CYP2J2: variants seen among roughly 807,000 people sequenced by gnomAD.
CYP2J2 encodes cytochrome P450 family 2 subfamily J member 2, also known as cytochrome P450 2J2.
In CYP2J2, 41 loss-of-function variants were observed where a neutral mutation model predicts 48.8. The ratio of observed to expected loss-of-function variants is 0.84; its 90% CI spans 0.66 to 1.09. CYP2J2 has a LOEUF of 1.09. Among genes scored for constraint, CYP2J2 ranks in the 50% least tolerant of loss-of-function variants. The pLI is 0.00. For missense variants in CYP2J2, 644 were observed against 617.3 expected (o/e 1.04, Z -0.46); for synonymous variants, 221 against 227.1 (o/e 0.97, Z 0.24).
chr1:59,924,366 A>G lies in CYP2J2; in HGVS notation c.210+2171T>C, dbSNP rs528044363. ...TGTAACATCAGAAATGAAAAAAGATAAATGAAAAGGGTAAATAAATGAGTA... is the reference window on the plus strand; with the variant it reads ...TGTAACATCAGAAATGAAAAAAGATGAATGAAAAGGGTAAATAAATGAGTA... On this transcript the variant is annotated intron_variant, in intron 1 of 8. Transcript: ENST00000371204. Among the ~76,000 whole-genome samples the G allele has an allele frequency of 1.2e-3, 185 of 152,334 alleles. 1 individual carries two copies. The highest frequency in any genetic ancestry group is 2.1e-3 in the Non-Finnish European group (142 of 68,000).
intron 1 of CYP2J2, among the ~76,000 whole-genome samples, chr1:59,926,026 C>G (rs1274816087): frequency 6.6e-6 from 1 of 152,056 alleles, no homozygotes; most frequent in Non-Finnish European, 1.5e-5. Flanking sequence ...AGTCTGAACA[C>G]CGTTTGGCAA....
At chr1:59,938,754 C>T in the CYP2J2 span, among the ~76,000 whole-genome samples, 2 of 152,162 alleles carry the variant, frequency 1.3e-5, no homozygotes, top group Non-Finnish European at 2.9e-5. Context: ...GGCTGGGGGA[C>T]GGTCAGGTCT....
the CYP2J2 span, among the ~76,000 whole-genome samples, chr1:59,953,460 A>G: frequency 1.3e-5 from 2 of 152,040 alleles, no homozygotes; most frequent in South Asian, 2.1e-4. Context: ...GATAATTGGT[A>G]TGAAGGCAGT....
the CYP2J2 span, among the ~76,000 whole-genome samples, chr1:59,935,015 C>CAT: frequency 0.028 from 1,326 of 47,388 alleles, 23 homozygotes; most frequent in Middle Eastern, 0.039. Context: ...TATATATATA[C>CAT]ATATATATAT....
upstream of CYP2J2, among the ~76,000 whole-genome samples, chr1:59,930,233 A>T (rs979738962): frequency 6.6e-5 from 10 of 152,168 alleles, no homozygotes; most frequent in Admixed American, 1.3e-4. Flanking sequence ...AATATCTCTG[A>T]GATTCTGCTT....
chr1:59,930,316 A>G (rs1644597020), upstream of CYP2J2, among the ~76,000 whole-genome samples: 1 of 152,136 alleles, frequency 6.6e-6, no homozygotes, highest in Non-Finnish European at 1.5e-5. Flanking sequence ...TAATATTTGT[A>G]GGAACTACCA....
chr1:59,893,534 C>T lies in CYP2J2; in HGVS notation c.*117G>A. 5 of 750,784 alleles carry T rather than the reference C, an allele frequency of 6.7e-6. No homozygotes were observed. The allele number at this position is 750,784 out of a possible 1,614,324, so 46.5% of individuals were successfully genotyped here. On this transcript the variant is annotated 3_prime_UTR_variant, in exon 9 of 9. Coordinates refer to ENST00000371204, the MANE Select transcript of CYP2J2 (RefSeq NM_000775.4). The stretch of plus-strand genomic sequence containing the variant: ...CTAGTTTTCTCTGAGTCAAATTCCT[C>T]TGATCTTTCTTGAAAGTCACTTTCA...
the CYP2J2 span, among the ~76,000 whole-genome samples, chr1:59,959,085 C>T: frequency 6.6e-6 from 1 of 152,176 alleles, no homozygotes; most frequent in Non-Finnish European, 1.5e-5. Context: ...ATCCCGCTCA[C>T]CTTCTCAAAG....
the CYP2J2 span, among the ~76,000 whole-genome samples, chr1:59,948,122 C>T: frequency 1.1e-4 from 17 of 152,144 alleles, no homozygotes; most frequent in African/African-American, 3.9e-4. Flanking sequence ...AAAGTTGGTG[C>T]CCTTTGCTTT....
the CYP2J2 span, among the ~76,000 whole-genome samples, chr1:59,951,029 A>G: frequency 6.6e-6 from 1 of 152,174 alleles, no homozygotes; most frequent in African/African-American, 2.4e-5. Context: ...GAGGGGAGCT[A>G]GATTCCCCTC....
At chr1:59,964,675 ATGATAAG>A in the CYP2J2 span, among the ~76,000 whole-genome samples, 1 of 152,266 alleles carries the variant, frequency 6.6e-6, no homozygotes, top group Non-Finnish European at 1.5e-5. Context: ...TAAATTCCAT[ATGATAAG>A]CTTGCATTTT....
At chr1:59,955,146 T>TA in the CYP2J2 span, among the ~76,000 whole-genome samples, 1 of 117,688 alleles carries the variant, frequency 8.5e-6, no homozygotes, top group African/African-American at 2.8e-5. Context: ...AAAATTAAAA[T>TA]AAATAAATAA....
At chr1:59,944,748 T>C in the CYP2J2 span, among the ~76,000 whole-genome samples, 1 of 152,164 alleles carries the variant, frequency 6.6e-6, no homozygotes, top group Non-Finnish European at 1.5e-5. Flanking sequence ...ATTTTATTAT[T>C]TATTATTTTT....
chr1:59,911,875 T>C, intron 3 of CYP2J2, 107 bp from the exon 4 acceptor site: 2 of 1,135,286 alleles, frequency 1.8e-6, no homozygotes, highest in Non-Finnish European at 1.3e-6. Context: ...CAGAACCATA[T>C]ATGAGGAGCT....
Position 59,904,984 on chromosome 1 carries a change from G to T in CYP2J2, c.1078C>A (p.Pro360Thr). ...QPSTAARESMPYTNAVIHEVQ... is the reference protein window; with the variant it reads ...QPSTAARESMTYTNAVIHEVQ... The stretch of plus-strand genomic sequence containing the variant: ...TCATGGATGACAGCATTGGTGTAGG[G>T]CATGGACTCCCGGGCGGCTGTGCTC... The change falls in exon 7 of 9, where the codon CCC becomes ACC. Residue 360 changes from proline (P) to threonine (T), a missense_variant. Pro to Thr is a conservative substitution (Grantham distance 38, BLOSUM62 -1). Coordinates refer to ENST00000371204, the MANE Select transcript of CYP2J2 (RefSeq NM_000775.4). 4 of 1,613,968 alleles carry T rather than the reference G, an allele frequency of 2.5e-6. No homozygotes were observed. In the Admixed American group the frequency reaches 5.0e-5, roughly 20 times the overall value.
At chr1:59,929,933 T>A (rs1644595236), upstream of CYP2J2, among the ~76,000 whole-genome samples, 1 of 152,080 alleles carries the variant, frequency 6.6e-6, no homozygotes, top group Non-Finnish European at 1.5e-5. Flanking sequence ...CCAAGTAGGA[T>A]AAATGCAAAG....
chr1:59,919,366 A>C (rs575732363), intron 1 of CYP2J2, among the ~76,000 whole-genome samples: 1 of 152,254 alleles, frequency 6.6e-6, no homozygotes, highest in Non-Finnish European at 1.5e-5. Flanking sequence ...TCACTTACAT[A>C]CAAATCTGGA....
chr1:59,924,992 A>T (rs183755237), intron 1 of CYP2J2, among the ~76,000 whole-genome samples: 7 of 152,256 alleles, frequency 4.6e-5, no homozygotes, highest in African/African-American at 1.7e-4. Context: ...ATCAGAAAAA[A>T]AGTTGTGGCT....
chr1:59,961,423 A>G, the CYP2J2 span, among the ~76,000 whole-genome samples: 1 of 152,180 alleles, frequency 6.6e-6, no homozygotes, highest in East Asian at 1.9e-4. Context: ...CTACAGTGAG[A>G]TATTACTTCA....
Sources: gnomAD v4.1 joint callset for allele counts (sites outside exome capture counted in the v4.1 genomes callset) on GRCh38, gnomAD v4.1.1 for gene constraint, MANE v1.5 for transcripts, NCBI Gene and HGNC (gene_info 2026-07-23, HGNC 2026-07-21) for gene names.